Variants in IRF7 observed in about 807,000 individuals in gnomAD.
The protein encoded by IRF7 is interferon regulatory factor-7H.
Under a neutral mutation model 51.3 loss-of-function variants are expected in IRF7, and 67 were observed. That is an observed-to-expected ratio of 1.31 (90% CI 1.07 to 1.60). The LOEUF is 1.60. IRF7 is among the 40% of genes most tolerant of loss of function. IRF7 has a pLI of 0.00. For missense variants in IRF7, 873 were observed against 701.5 expected (o/e 1.24, Z -2.76); for synonymous variants, 427 against 301.3 (o/e 1.42, Z -4.32).
rs375760035 is a variant in IRF7 at position 613,902 on chromosome 11, C to T, written c.767-37G>A. ...AGGGAATCCTGTGCTGGCACCTCAT[C>T]CCTAGCCTCTCCCTGTGCCCCAGGC... On this transcript the variant is annotated intron_variant, in intron 7 of 10. Transcript: ENST00000525445. 55 of 1,598,986 alleles carry T rather than the reference C, an allele frequency of 3.4e-5. No individual in the cohort carries two copies. In the African/African-American group the frequency reaches 6.4e-4, roughly 19 times the overall value.
At chr11:614,445 CAGG>C in intron 5 of IRF7, 28 bp downstream of exon 5, 10 of 1,577,090 alleles carry the variant, frequency 6.3e-6, no homozygotes, top group Non-Finnish European at 7.8e-6. Flanking sequence ...CGCGGCCTGG[CAGG>C]AGGAGAGGCA....
intron 10 of IRF7, 37 bp from the exon 11 acceptor site, chr11:612,837 C>A (rs1205400784): frequency 6.3e-7 from 1 of 1,597,592 alleles, no homozygotes; most frequent in Non-Finnish European, 8.5e-7. Context: ...AGTGACCCGG[C>A]GTGTGTCCTC....
At chr11:614,635 G>A (rs905309655) in intron 4 of IRF7, 101 bp from the exon 5 acceptor site, 1 of 1,457,858 alleles carries the variant, frequency 6.9e-7, no homozygotes, top group African/African-American at 1.4e-5. Flanking sequence ...TGAACCCTTA[G>A]GCTGTGGCCT....
Position 614,154 on chromosome 11 carries a change from C to T in IRF7, c.679+20G>A, listed in dbSNP as rs770376936. On this transcript the variant is annotated intron_variant, in intron 6 of 10. Transcript: ENST00000525445. ...CACTGGCCCCTCCCGCGCTCCCCCC[C>T]TCCCCGGGCACGCCCACACCTCCAG... 16 of 1,606,714 alleles carry T rather than the reference C, an allele frequency of 1.0e-5. No homozygotes were observed. Among genetic ancestry groups the T allele is most frequent in the South Asian group, 6.6e-5 (6 of 90,424 alleles).
rs754110927 is a variant in IRF7 at position 614,373 on chromosome 11, T to C, written c.480A>G (p.Ala160=). 6.2e-7 allele frequency: 1 copy of C among 1,608,268 alleles called. No homozygotes were observed. The highest frequency in any genetic ancestry group is 8.5e-7 in the Non-Finnish European group (1 of 1,178,164). The change falls in exon 6 of 11, where the codon GCA becomes GCG. Residue 160 remains alanine (A), a synonymous_variant. Transcript: ENST00000525445. ...PQGGPPGPFL[A]HTHAGLQAPG... ...GGGCTTGGAGTCCAGCATGTGTGTGTGCCAGGAATGGCCCTGGGGGCCCAC... is the reference window on the plus strand; with the variant it reads ...GGGCTTGGAGTCCAGCATGTGTGTGCGCCAGGAATGGCCCTGGGGGCCCAC...
Position 613,005 on chromosome 11 carries a change from C to T in IRF7, c.1350G>A (p.Leu450=), listed in dbSNP as rs141451948. 9.9e-6 allele frequency: 16 copies of T among 1,612,852 alleles called. No homozygotes were observed. In the African/African-American group the frequency reaches 1.7e-4, roughly 17 times the overall value. ...AGRPKEKSLV[L]VKLEPWLCRV... is the part of the protein sequence containing the mutation. ...CTTGAGGCTCTGGTCTCACCTTCAC[C>T]AGGACCAGGCTCTTCTCCTTGGGCC... is the stretch of plus-strand genomic sequence containing the variant. Residue 450 remains leucine (L), a synonymous_variant, in exon 10 of 11, where the codon CTG becomes CTA. Transcript: ENST00000525445.
rs1417388612 is a variant in IRF7 at position 613,568 on chromosome 11, G to A, written c.875C>T (p.Thr292Ile). 3 of 1,575,640 alleles carry A rather than the reference G, an allele frequency of 1.9e-6. No individual in the cohort carries two copies. The highest frequency in any genetic ancestry group is 1.7e-6 in the Non-Finnish European group (2 of 1,163,222). The change falls in exon 9 of 11, where the codon ACC (threonine) becomes ATC (isoleucine). Residue 292 changes from threonine (T) to isoleucine (I), a missense_variant. Coordinates refer to ENST00000525445, the MANE Select transcript of IRF7 (RefSeq NM_001572.5). ...QEPSPGALDV[T>I]IMYKGRTVLQ... ...CACCGTGCGGCCCTTGTACATGATG[G>A]TCACGTCCAGCGCCCCTGGGCTGGG...
rs1564880359 is a variant in IRF7 at position 613,357 on chromosome 11, C to T, written c.1086G>A (p.Arg362=). 1 of 1,611,004 alleles carries T rather than the reference C, an allele frequency of 6.2e-7. No homozygotes were observed. ...TGCGCCGGGCCCACAGCTGTGGCCC[C>T]CGAAGCTCCAGGTGCAACCCAGGGG... ...HVAPGLHLEL[R]GPQLWARRMG... Residue 362 remains arginine, a synonymous_variant, in exon 9 of 11, where the codon CGG becomes CGA. Coordinates refer to ENST00000525445, the MANE Select transcript of IRF7 (RefSeq NM_001572.5).
In IRF7 at chr11:613,412, C is replaced by T. The variant is rs762828447; in HGVS notation, c.1031G>A (p.Arg344His). Residue 344 changes from arginine (R) to histidine (H), a missense_variant, in exon 9 of 11, where the codon CGC (arginine) becomes CAC (histidine). Physicochemically the swap from Arg to His is conservative, Grantham distance 29. Transcript: ENST00000525445. Reference sequence around the variant, plus strand: ...GTGCCGCAGCAGTTCCTCCGTGTAGCGCAGCTGCTTCTGGTCCGGGAGCTC... The same window carrying T: ...GTGCCGCAGCAGTTCCTCCGTGTAGTGCAGCTGCTTCTGGTCCGGGAGCTC... ...PAELPDQKQL[R>H]YTEELLRHVA... 7.6e-6 allele frequency: 12 copies of T among 1,575,878 alleles called. No homozygotes were observed. The highest frequency in any genetic ancestry group is 6.8e-5 in the African/African-American group (5 of 73,532).
At position 612,772 on chromosome 11, in the gene IRF7, A is replaced by G. The variant is rs376761232; in HGVS notation, c.1385T>C (p.Leu462Pro). The change falls in exon 11 of 11, where the codon CTA becomes CCA. Residue 462 changes from leucine (L) to proline (P), a missense_variant. Physicochemically the swap from Leu to Pro is moderately conservative, Grantham distance 98 (BLOSUM62 -3). Coordinates refer to ENST00000525445, the MANE Select transcript of IRF7 (RefSeq NM_001572.5). ...CACACCCTCACGCTGCGTGCCCTCTAGGTGCACTCGGCACAGCCAGGGTTC... is the reference window on the plus strand; with the variant it reads ...CACACCCTCACGCTGCGTGCCCTCTGGGTGCACTCGGCACAGCCAGGGTTC... ...KLEPWLCRVH[L>P]EGTQREGVSS... is the part of the protein sequence containing the mutation. 13 of 1,611,474 alleles carry G rather than the reference A, an allele frequency of 8.1e-6. No homozygotes were observed. The highest frequency in any genetic ancestry group is 1.7e-5 in the Admixed American group (1 of 59,984).
At chr11:612,869 G>GAGGGCGT (rs1469579287) in intron 10 of IRF7, 69 bp from the exon 11 acceptor site, 583 of 1,589,882 alleles carry the variant, frequency 3.7e-4, no homozygotes, top group Middle Eastern at 2.2e-3. Flanking sequence ...CCCAGGCTCT[G>GAGGGCGT]AGGGCGTCGG....
rs748233288 is a variant in IRF7, at chr11:615,261, TGCGGGTGCCCG to T, written c.21-13_21-3del. 35 of 1,580,982 alleles carry T rather than the reference TGCGGGTGCCCG, an allele frequency of 2.2e-5. No homozygotes were observed. The highest frequency in any genetic ancestry group is 2.9e-5 in the Non-Finnish European group (34 of 1,167,876). On this transcript the variant is annotated splice_region_variant and splice_polypyrimidine_tract_variant and intron_variant, in intron 2 of 10. Transcript: ENST00000525445. ...CCGAACAGCACGCGTGGGGCTGCCC[TGCGGGTGCCCG>T]GCCGCGGAGAGTCAGGGCCGGCTGC... is the stretch of plus-strand genomic sequence containing the variant.
At position 615,303 on chromosome 11, in the gene IRF7, G is replaced by A. The variant is rs779529956; in HGVS notation, c.20+42C>T. ...GGAGAGTCAGGGCCGGCTGCAGGGC[G>A]CTCGGGGACTGGCATCTGGAGAGGG... On this transcript the variant is annotated intron_variant, in intron 2 of 10. Transcript: ENST00000525445. 1.9e-6 allele frequency: 3 copies of A among 1,570,940 alleles called. No homozygotes were observed. The highest frequency in any genetic ancestry group is 2.3e-5 in the South Asian group (2 of 88,374).
chr11:613,205 C>T lies in IRF7; in HGVS notation c.1237+1G>A, dbSNP rs1370851419. 1.9e-6 allele frequency: 3 copies of T among 1,589,540 alleles called. No homozygotes were observed. The highest frequency in any genetic ancestry group is 2.6e-6 in the Non-Finnish European group (3 of 1,166,494). ...GCCCCCCAGGCAAGGGCCTCACTGA[C>T]CTTGGAAGAAGACTCTGAAGTCGAA... On this transcript the variant is annotated splice_donor_variant, in intron 9 of 10. Coordinates refer to ENST00000525445, the MANE Select transcript of IRF7 (RefSeq NM_001572.5). LOFTEE classifies it high-confidence loss of function.
In IRF7 at chr11:613,967, G is replaced by T. The variant is rs202066033; in HGVS notation, c.750C>A (p.Pro250=). Residue 250 remains proline, a synonymous_variant, in exon 7 of 11, where the codon CCC becomes CCA. Transcript: ENST00000525445. ...VETTPSPGPQ[P]AALTTGEAAA... is the part of the protein sequence containing the mutation. The stretch of plus-strand genomic sequence containing the variant: ...CCCTCTCACCTGTCGTTAGTGCCGC[G>T]GGCTGGGGCCCGGGGCTGGGGGTCG... The T allele has an allele frequency of 6.2e-7, 1 of 1,606,272 alleles. No individual in the cohort carries two copies. Among genetic ancestry groups the T allele is most frequent in the Admixed American group, 1.7e-5 (1 of 57,972 alleles).
rs747596779 is a variant in IRF7, at chr11:614,847, G to A, written c.344C>T (p.Pro115Leu). ...FVMLRDNSGD[P>L]ADPHKVYALS... ...CGCGTACACCTTGTGCGGGTCGGCC[G>A]GGTCCCCCGAGTTATCCCGCAGCAT... Residue 115 changes from proline to leucine, a missense_variant, in exon 4 of 11, where the codon CCG becomes CTG. Coordinates refer to ENST00000525445, the MANE Select transcript of IRF7 (RefSeq NM_001572.5). The A allele has an allele frequency of 3.3e-5, 51 of 1,564,954 alleles. No homozygotes were observed. Among genetic ancestry groups the A allele is most frequent in the Non-Finnish European group, 4.3e-5 (50 of 1,156,394 alleles).
At position 615,247 on chromosome 11, in the gene IRF7, G is replaced by A. The variant is rs770479395; in HGVS notation, c.33C>T (p.Arg11=). The A allele has an allele frequency of 4.4e-6, 7 of 1,582,618 alleles. No individual in the cohort carries two copies. Among genetic ancestry groups the A allele is most frequent in the Non-Finnish European group, 6.0e-6 (7 of 1,169,490 alleles). ...CAAGGAGCCACTCTCCGAACAGCAC[G>A]CGTGGGGCTGCCCTGCGGGTGCCCG... MALAPERAAP[R]VLFGEWLLGE... The change falls in exon 3 of 11, where the codon CGC becomes CGT. Residue 11 remains arginine (R), a synonymous_variant. Coordinates refer to ENST00000525445, the MANE Select transcript of IRF7 (RefSeq NM_001572.5).
Position 613,361 on chromosome 11 carries a change from A to T in IRF7, c.1082T>A (p.Leu361His). The T allele has an allele frequency of 6.2e-7, 1 of 1,610,774 alleles. No homozygotes were observed. The highest frequency in any genetic ancestry group is 8.5e-7 in the Non-Finnish European group (1 of 1,179,258). The change falls in exon 9 of 11, where the codon CTT (leucine) becomes CAT (histidine). Residue 361 changes from leucine to histidine, a missense_variant. Physicochemically the swap from Leu to His is moderately conservative, Grantham distance 99 (BLOSUM62 -3). Coordinates refer to ENST00000525445, the MANE Select transcript of IRF7 (RefSeq NM_001572.5). ...RHVAPGLHLE[L>H]RGPQLWARRM... is the part of the protein sequence containing the mutation. ...CCGGGCCCACAGCTGTGGCCCCCGA[A>T]GCTCCAGGTGCAACCCAGGGGCCAC...
chr11:614,154 C>G lies in IRF7; in HGVS notation c.679+20G>C. 3 of 1,606,834 alleles carry G rather than the reference C, an allele frequency of 1.9e-6. No individual in the cohort carries two copies. Among genetic ancestry groups the G allele is most frequent in the South Asian group, 1.1e-5 (1 of 90,420 alleles). On this transcript the variant is annotated intron_variant, in intron 6 of 10. Transcript: ENST00000525445. Reference sequence around the variant, plus strand: ...CACTGGCCCCTCCCGCGCTCCCCCCCTCCCCGGGCACGCCCACACCTCCAG... The same window carrying G: ...CACTGGCCCCTCCCGCGCTCCCCCCGTCCCCGGGCACGCCCACACCTCCAG...
Sources: gnomAD v4.1 joint callset for allele counts on GRCh38, gnomAD v4.1.1 for gene constraint, MANE v1.5 for transcripts, NCBI Gene and HGNC (gene_info 2026-07-23, HGNC 2026-07-21) for gene names.